Variants in TMEM132D observed in about 807,000 individuals in gnomAD.
TMEM132D encodes the protein mature OL transmembrane protein.
Under a neutral mutation model 62.3 loss-of-function variants are expected in TMEM132D, and 21 were observed. The observed-to-expected ratio is 0.34, with a 90% confidence interval of 0.24 to 0.49. The LOEUF (loss-of-function observed/expected upper bound fraction) is 0.49, where lower values mean the gene tolerates loss of function less well. TMEM132D is among the 20% of genes least tolerant of loss of function. The pLI is 0.99. For synonymous variants in TMEM132D, 621 were observed against 575.6 expected, an observed-to-expected ratio of 1.08 and a Z score of -1.13; for missense variants, 1,346 against 1,402.8, an observed-to-expected ratio of 0.96 and a Z score of 0.65.
At chr12:129,501,148 C>T (rs965161200) in intron 3 of TMEM132D, among the ~76,000 whole-genome samples, 5 of 152,108 alleles carry the variant, frequency 3.3e-5, no homozygotes, top group Non-Finnish European at 7.4e-5. Flanking sequence ...AATAAAGCTT[C>T]TAGGATTCAG....
chr12:129,791,524 A>T (rs1871400915), intron 1 of TMEM132D, among the ~76,000 whole-genome samples: 2 of 152,176 alleles, frequency 1.3e-5, no homozygotes, highest in Admixed American at 1.3e-4. Flanking sequence ...AAAAAATTTT[A>T]AATGCCTTAA....
chr12:129,333,233 G>C (rs948152620), intron 4 of TMEM132D, among the ~76,000 whole-genome samples: 7 of 152,226 alleles, frequency 4.6e-5, no homozygotes, highest in African/African-American at 1.7e-4. Context: ...ACTATGCATA[G>C]CAAGTGGAAT....
intron 3 of TMEM132D, among the ~76,000 whole-genome samples, chr12:129,482,697 A>C (rs1441702557): frequency 6.6e-6 from 1 of 152,230 alleles, no homozygotes; most frequent in East Asian, 1.9e-4. Flanking sequence ...TTGTCTATCA[A>C]TTTCAAACAA....
intron 1 of TMEM132D, among the ~76,000 whole-genome samples, chr12:129,872,322 G>A (rs147036094): frequency 9.2e-5 from 14 of 152,256 alleles, no homozygotes; most frequent in African/African-American, 2.9e-4. Context: ...TTTACACAGG[G>A]GGAGGACAAA....
intron 3 of TMEM132D, among the ~76,000 whole-genome samples, chr12:129,485,917 A>T (rs1359057215): frequency 6.6e-6 from 1 of 152,198 alleles, no homozygotes; most frequent in African/African-American, 2.4e-5. Flanking sequence ...GTATCTAGAC[A>T]TGTTGTGTGT....
intron 2 of TMEM132D, among the ~76,000 whole-genome samples, chr12:129,648,461 T>C (rs959672916): frequency 2.6e-5 from 4 of 152,216 alleles, no homozygotes; most frequent in African/African-American, 9.6e-5. Context: ...CGTGGCTCTA[T>C]GTGTATTAAA....
At chr12:129,434,027 G>A (rs1694984524) in intron 3 of TMEM132D, among the ~76,000 whole-genome samples, 1 of 152,184 alleles carries the variant, frequency 6.6e-6, no homozygotes, top group Admixed American at 6.5e-5. Flanking sequence ...AGTGTCACTA[G>A]GGATACTTTC....
intron 5 of TMEM132D, among the ~76,000 whole-genome samples, chr12:129,178,360 A>G (rs981837292): frequency 5.3e-5 from 8 of 151,354 alleles, no homozygotes; most frequent in African/African-American, 1.9e-4. Context: ...GTCTTCCACT[A>G]TGGTTGAACT....
intron 3 of TMEM132D, among the ~76,000 whole-genome samples, chr12:129,343,644 G>A (rs1342602073): frequency 1.3e-5 from 2 of 152,020 alleles, no homozygotes; most frequent in Non-Finnish European, 2.9e-5. Flanking sequence ...GGGCGTGGTG[G>A]CTCATGCCTG....
intron 3 of TMEM132D, among the ~76,000 whole-genome samples, chr12:129,363,626 C>G (rs1357192296): frequency 2.0e-5 from 3 of 152,126 alleles, no homozygotes; most frequent in African/African-American, 7.2e-5. Context: ...GATTCTGTTT[C>G]TTTAGGCTTA....
At chr12:129,262,793 G>A (rs996374163) in intron 4 of TMEM132D, 2 of 152,154 alleles carry the variant, frequency 1.3e-5, no homozygotes, top group Non-Finnish European at 1.5e-5. Context: ...GGTGTGGTCA[G>A]AAAGTCTATG....
At chr12:129,636,205 A>T (rs1282356095) in intron 2 of TMEM132D, among the ~76,000 whole-genome samples, 1 of 152,188 alleles carries the variant, frequency 6.6e-6, no homozygotes, top group Non-Finnish European at 1.5e-5. Flanking sequence ...GAGCAGAAAA[A>T]GCCCTGGAGA....
chr12:129,678,440 G>T (rs1880693712), intron 2 of TMEM132D, among the ~76,000 whole-genome samples: 1 of 151,898 alleles, frequency 6.6e-6, no homozygotes, highest in African/African-American at 2.4e-5. Flanking sequence ...GGCTATTTTT[G>T]TTTTCGTTTA....
At chr12:129,751,717 GA>G (rs1356425080) in intron 1 of TMEM132D, among the ~76,000 whole-genome samples, 4 of 152,280 alleles carry the variant, frequency 2.6e-5, no homozygotes, top group African/African-American at 9.6e-5. Flanking sequence ...ATTAAACATG[GA>G]TTGTCCAACA....
At chr12:129,461,301 C>A (rs924207222) in intron 3 of TMEM132D, among the ~76,000 whole-genome samples, 1 of 152,086 alleles carries the variant, frequency 6.6e-6, no homozygotes, top group Non-Finnish European at 1.5e-5. Context: ...CTCTGGGAAC[C>A]AAGCCCAGGT....
At chr12:129,460,307 T>G (rs1256561852) in intron 3 of TMEM132D, among the ~76,000 whole-genome samples, 1 of 152,194 alleles carries the variant, frequency 6.6e-6, no homozygotes, top group Non-Finnish European at 1.5e-5. Flanking sequence ...TCATTCACAC[T>G]TGAGAACTGC....
At chr12:129,885,824 C>T (rs79603989) in intron 1 of TMEM132D, among the ~76,000 whole-genome samples, 2,108 of 152,260 alleles carry the variant, frequency 0.014, 63 homozygotes, top group African/African-American at 0.048. Flanking sequence ...GCTTGACACC[C>T]ACGACCATCC....
intron 5 of TMEM132D, among the ~76,000 whole-genome samples, chr12:129,094,940 C>A (rs1465635088): frequency 6.6e-6 from 1 of 150,622 alleles, no homozygotes; most frequent in Non-Finnish European, 1.5e-5. Flanking sequence ...GGACAAAAAA[C>A]CAAACACCGC....
At chr12:129,824,016 C>G (rs1872598765) in intron 1 of TMEM132D, among the ~76,000 whole-genome samples, 1 of 152,098 alleles carries the variant, frequency 6.6e-6, no homozygotes, top group African/African-American at 2.4e-5. Context: ...CATCCTATGA[C>G]AGCCCTGTGA....
Sources: allele counts gnomAD v4.1 joint callset (sites outside exome capture counted in the v4.1 genomes callset), GRCh38; gene constraint gnomAD v4.1.1; transcripts MANE v1.5; gene names NCBI Gene and HGNC (gene_info 2026-07-23, HGNC 2026-07-21).